Variants in IL22RA1 observed in about 807,000 individuals in gnomAD.
IL22RA1 encodes the protein interleukin 22 receptor subunit alpha 1, also known as interleukin-22 receptor subunit alpha-1.
Under a neutral mutation model 32.8 loss-of-function variants are expected in IL22RA1, and 25 were observed. The ratio of observed to expected loss-of-function variants is 0.76; its 90% CI spans 0.55 to 1.06. IL22RA1 has a LOEUF of 1.06. Among genes scored for constraint, IL22RA1 ranks in the 50% least tolerant of loss-of-function variants. The pLI is 0.00. For missense variants in IL22RA1, 709 were observed against 727.4 expected (o/e 0.97, Z 0.29); for synonymous variants, 305 against 305.0 (o/e 1.00, Z 0.00).
chr1:24,122,875 C>CTG (rs760723496), intron 6 of IL22RA1, among the ~76,000 whole-genome samples: 3 of 152,180 alleles, frequency 2.0e-5, no homozygotes, highest in Non-Finnish European at 4.4e-5. Context: ...ATCTGAAACT[C>CTG]TGGCTTCTCT....
intron 5 of IL22RA1, among the ~76,000 whole-genome samples, chr1:24,127,725 G>A (rs569963176): frequency 6.6e-6 from 1 of 152,286 alleles, no homozygotes; most frequent in Non-Finnish European, 1.5e-5. Context: ...GTTGTGCCTG[G>A]TTCCCAGTTA....
chr1:24,121,815 A>G, intron 6 of IL22RA1, 78 bp from the exon 7 acceptor site: 2 of 1,216,660 alleles, frequency 1.6e-6, no homozygotes, highest in African/African-American at 1.5e-5. Context: ...TGGGTGGGTG[A>G]GGTCCTCCAT....
In IL22RA1 at chr1:24,120,476, G is replaced by A. The variant is rs1282122701; in HGVS notation, c.*329C>T. ...TCCCTGAGCACTTTGAATCCATGGT[G>A]TTAGGAGGTGGGGCTCTGGACCTCG... On this transcript the variant is annotated 3_prime_UTR_variant, in exon 7 of 7. Transcript: ENST00000270800. 3.7e-6 allele frequency: 1 copy of A among 271,464 alleles called. No homozygotes were observed. The highest frequency in any genetic ancestry group is 6.9e-6 in the Non-Finnish European group (1 of 144,230). 16.8% of individuals were successfully genotyped at this position (271,464 alleles called of 1,614,324 possible). A position where few individuals can be genotyped will look rare whatever the true frequency, so the allele number is the denominator to read the frequency against.
intron 6 of IL22RA1, 54 bp downstream of exon 6, chr1:24,123,248 G>T: frequency 1.3e-6 from 2 of 1,574,034 alleles, no homozygotes; most frequent in Admixed American, 3.7e-5. Flanking sequence ...TGGGGACCTC[G>T]GAGCCCAGGC....
chr1:24,134,745 C>T, intron 3 of IL22RA1: 1 of 662,872 alleles, frequency 1.5e-6, no homozygotes, highest in African/African-American at 2.0e-5. Context: ...TTGAGTATGA[C>T]AGCTTTGGGG....
chr1:24,135,812 C>T (rs1193603285), intron 3 of IL22RA1, among the ~76,000 whole-genome samples: 1 of 152,216 alleles, frequency 6.6e-6, no homozygotes, highest in African/African-American at 2.4e-5. Context: ...ATGGGGGGAA[C>T]CGTCCCCATC....
intron 5 of IL22RA1, among the ~76,000 whole-genome samples, chr1:24,127,412 A>G (rs959090989): frequency 6.6e-6 from 1 of 152,058 alleles, no homozygotes; most frequent in African/African-American, 2.4e-5. Context: ...CCTGGGCTCA[A>G]GTGATCCTCT....
rs1421027365 is a variant in IL22RA1, at chr1:24,120,771, AC to A, written c.*33del. The A allele has an allele frequency of 6.5e-7, 1 of 1,545,508 alleles. No homozygotes were observed. Among genetic ancestry groups the A allele is most frequent in the Non-Finnish European group, 8.8e-7 (1 of 1,140,782 alleles). On this transcript the variant is annotated 3_prime_UTR_variant, in exon 7 of 7. Transcript: ENST00000270800. ...GCCAAGGATGTGACACTGGGTAGGG[AC>A]AGGGAGGAAGCACCAAGCCTTTCCC...
At chr1:24,133,749 A>C (rs1464816298) in intron 4 of IL22RA1, among the ~76,000 whole-genome samples, 1 of 152,196 alleles carries the variant, frequency 6.6e-6, no homozygotes, top group Non-Finnish European at 1.5e-5. Flanking sequence ...TATGCAAAAA[A>C]AGCAGCTTCT....
chr1:24,138,505 T>C (rs1644258268), intron 2 of IL22RA1, 77 bp downstream of exon 2: 3 of 1,522,598 alleles, frequency 2.0e-6, no homozygotes, highest in Non-Finnish European at 1.8e-6. Flanking sequence ...TGGGAACATA[T>C]GGAGAGGAGG....
chr1:24,134,291 C>A lies in IL22RA1; in HGVS notation c.451G>T (p.Gly151Cys), dbSNP rs1644226878. 1 of 1,609,910 alleles carries A rather than the reference C, an allele frequency of 6.2e-7. No individual in the cohort carries two copies. Among genetic ancestry groups the A allele is most frequent in the African/African-American group, 1.3e-5 (1 of 74,432 alleles). ...PTPTPIRAGDGHRLTLEDIFH... is the reference protein window; with the variant it reads ...PTPTPIRAGDCHRLTLEDIFH... ...ATGTCTTCCAGGGTTAGCCGGTGGC[C>A]ATCGCCTGCACGGATTGGCGTGGGG... Residue 151 changes from glycine (G) to cysteine (C), a missense_variant, in exon 4 of 7, where the codon GGC becomes TGC. Physicochemically the swap from Gly to Cys is radical, Grantham distance 159. Transcript: ENST00000270800.
intron 6 of IL22RA1, 101 bp from the exon 7 acceptor site, chr1:24,121,838 G>C: frequency 1.1e-6 from 1 of 933,934 alleles, no homozygotes; most frequent in Non-Finnish European, 1.5e-6. Flanking sequence ...GGAGGCATCT[G>C]GGGGCTTTTT....
At position 24,138,577 on chromosome 1, in the gene IL22RA1, C is replaced by G. The variant is rs373063989; in HGVS notation, c.176+5G>C. 4 of 1,614,090 alleles carry G rather than the reference C, an allele frequency of 2.5e-6. No individual in the cohort carries two copies. The highest frequency in any genetic ancestry group is 1.3e-5 in the African/African-American group (1 of 75,020). On this transcript the variant is annotated splice_donor_5th_base_variant and intron_variant, in intron 2 of 6. Transcript: ENST00000270800. The stretch of plus-strand genomic sequence containing the variant: ...AAAGGAGGTGGGGTCAAGAGAGAAG[C>G]CTACGTCTTATACTCGATGCTGTAG...
chr1:24,142,920 C>T, intron 1 of IL22RA1, 120 bp downstream of exon 1: 1 of 964,988 alleles, frequency 1.0e-6, no homozygotes, highest in Non-Finnish European at 1.6e-6. Context: ...CCTGCTCAGC[C>T]CTAGCAGGGG....
Position 24,123,394 on chromosome 1 carries a change from C to G in IL22RA1, c.700G>C (p.Ala234Pro). The part of the protein sequence containing the change: ...DRTWTYSFSG[A>P]FLFSMGFLVA... ...AGGAAGCCCATGGAGAACAGGAAGG[C>G]TCCGGAGAAGGAGTAGGTCCATGTC... The change falls in exon 6 of 7, where the codon GCC becomes CCC. Residue 234 changes from alanine to proline, a missense_variant. By Grantham distance (27) the Ala-to-Pro change is conservative. Transcript: ENST00000270800. 6.2e-7 allele frequency: 1 copy of G among 1,613,884 alleles called. No individual in the cohort carries two copies. Among genetic ancestry groups the G allele is most frequent in the African/African-American group, 1.3e-5 (1 of 75,028 alleles).
intron 6 of IL22RA1, among the ~76,000 whole-genome samples, chr1:24,122,794 T>C (rs1261503289): frequency 1.3e-5 from 2 of 149,686 alleles, no homozygotes; most frequent in Non-Finnish European, 3.0e-5. Context: ...GGAGACTCCA[T>C]CTCAAAAAAA....
rs1222255440 is a variant in IL22RA1 at position 24,121,654 on chromosome 1, G to A, written c.876C>T (p.Pro292=). ...ACTGGACAGGCTGGGCCAGACTGCT[G>A]GGGCCGCTGAGGTCAAAGACAGGGA... ...VLIPVFDLSG[P]SSLAQPVQYS... The change falls in exon 7 of 7, where the codon CCC becomes CCT. Residue 292 remains proline, a synonymous_variant. Coordinates refer to ENST00000270800, the MANE Select transcript of IL22RA1 (RefSeq NM_021258.4). The A allele has an allele frequency of 2.5e-6, 4 of 1,609,468 alleles. No homozygotes were observed. The highest frequency in any genetic ancestry group is 1.6e-4 in the Middle Eastern group (1 of 6,066).
chr1:24,128,550 A>ATAT (rs1480292479), intron 4 of IL22RA1, among the ~76,000 whole-genome samples: 4 of 129,996 alleles, frequency 3.1e-5, no homozygotes, highest in Admixed American at 1.5e-4. Context: ...TATATATATA[A>ATAT]AATGTGTGGT....
At chr1:24,142,930 G>C (rs558853967) in intron 1 of IL22RA1, 110 bp downstream of exon 1, 1 of 1,051,562 alleles carries the variant, frequency 9.5e-7, no homozygotes, top group East Asian at 2.6e-5. Flanking sequence ...CCTAGCAGGG[G>C]AGAAACTGAA....
Sources: gnomAD v4.1 joint callset for allele counts (sites outside exome capture counted in the v4.1 genomes callset) on GRCh38, gnomAD v4.1.1 for gene constraint, MANE v1.5 for transcripts, NCBI Gene and HGNC (gene_info 2026-07-23, HGNC 2026-07-21) for gene names.